STAG3: variants seen among roughly 807,000 people sequenced by gnomAD.
STAG3 encodes the protein cohesin subunit SA-3.
Under a neutral mutation model 160.7 loss-of-function variants are expected in STAG3, and 101 were observed. The observed-to-expected ratio is 0.63, with a 90% CI of 0.54 to 0.74. The LOEUF (loss-of-function observed/expected upper bound fraction) is 0.74, where lower values mean the gene tolerates loss of function less well. STAG3 is among the 30% of genes least tolerant of loss of function. STAG3 has a pLI of 0.00. For synonymous variants in STAG3, 519 were observed against 585.0 expected, an observed-to-expected ratio of 0.89 and a Z score of 1.63; for missense variants, 1,188 against 1,517.4, an observed-to-expected ratio of 0.78 and a Z score of 3.61.
Position 100,189,546 on chromosome 7 carries a change from G to A in STAG3, c.817G>A (p.Gly273Arg), listed in dbSNP as rs1800227076. The change falls in exon 8 of 34, where the codon GGG (glycine) becomes AGG (arginine). Residue 273 changes from glycine (G) to arginine (R), a missense_variant. Transcript: ENST00000615138. ...QYEAERNKGP[G>R]QRAPERLESL... ...TGAGGCTGAAAGAAACAAGGGGCCA[G>A]GGCAGAGGGCACCTGAGCGGCTGGA... The A allele has an allele frequency of 2.5e-6, 4 of 1,614,182 alleles. No homozygotes were observed. The highest frequency in any genetic ancestry group is 3.4e-6 in the Non-Finnish European group (4 of 1,180,018).
intron 4 of STAG3, among the ~76,000 whole-genome samples, chr7:100,185,319 G>C (rs1458579370): frequency 6.6e-6 from 1 of 152,128 alleles, no homozygotes. Flanking sequence ...ATTCTGGGCT[G>C]GGTGTGGTGG....
chr7:100,195,208 A>G (rs1800605092), intron 8 of STAG3, 101 bp from the exon 9 acceptor site: 1 of 1,006,174 alleles, frequency 9.9e-7, no homozygotes, highest in South Asian at 1.3e-5. Flanking sequence ...CTATCCTATA[A>G]TAAACAGGAA....
At chr7:100,215,987 G>A (rs1331211367), downstream of STAG3, among the ~76,000 whole-genome samples, 2 of 152,204 alleles carry the variant, frequency 1.3e-5, no homozygotes, top group Non-Finnish European at 2.9e-5. Flanking sequence ...AAGGCCACGT[G>A]TAGGTGTTCC....
At chr7:100,185,355 G>C (rs1425197792) in intron 4 of STAG3, among the ~76,000 whole-genome samples, 8 of 152,114 alleles carry the variant, frequency 5.3e-5, no homozygotes, top group African/African-American at 1.9e-4. Context: ...CCAGCACTTT[G>C]GGAGGCTAAG....
chr7:100,216,127 G>T (rs1286472382), downstream of STAG3, among the ~76,000 whole-genome samples: 1 of 152,172 alleles, frequency 6.6e-6, no homozygotes, highest in Non-Finnish European at 1.5e-5. Context: ...GGATCAGGGA[G>T]CAGAGACAGC....
downstream of STAG3, among the ~76,000 whole-genome samples, chr7:100,217,749 A>G (rs1222960425): frequency 2.0e-5 from 3 of 151,152 alleles, no homozygotes; most frequent in African/African-American, 7.4e-5. Context: ...CGAGGCGGAG[A>G]GAGAGAGGAC....
At position 100,199,564 on chromosome 7, in the gene STAG3, A is replaced by C. The variant is rs980933139; in HGVS notation, c.1597A>C (p.Thr533Pro). ...AGACCTGGGTGATGTGCAGGAGAGCACACTGATAGAAATCCTTGTGTCCAG... is the reference window on the plus strand; with the variant it reads ...AGACCTGGGTGATGTGCAGGAGAGCCCACTGATAGAAATCCTTGTGTCCAG... Reference protein sequence around the residue: ...DQNLGDVQESTLIEILVSSAR... With the variant: ...DQNLGDVQESPLIEILVSSAR... Residue 533 changes from threonine to proline, a missense_variant, in exon 16 of 34, where the codon ACA (threonine) becomes CCA (proline). This residue lies in a region of STAG3 where 240 missense variants were observed against 358.1 expected (regional missense o/e 0.67). Transcript: ENST00000615138. The C allele has an allele frequency of 1.2e-6, 2 of 1,604,862 alleles. No individual in the cohort carries two copies. The highest frequency in any genetic ancestry group is 2.7e-5 in the African/African-American group (2 of 74,820).
intron 26 of STAG3, 140 bp downstream of exon 26, chr7:100,204,262 A>G (rs1801424672): frequency 1.5e-6 from 1 of 662,642 alleles, no homozygotes; most frequent in Admixed American, 2.9e-5. Flanking sequence ...AGGTTCCTTC[A>G]TTCTTAGTAG....
At chr7:100,217,394 G>A (rs2117652842), downstream of STAG3, among the ~76,000 whole-genome samples, 1 of 152,362 alleles carries the variant, frequency 6.6e-6, no homozygotes, top group East Asian at 1.9e-4. Context: ...AGGCATGGAG[G>A]CCTTTGCCCA....
At chr7:100,208,281 TTAAC>T (rs763485853) in intron 29 of STAG3, among the ~76,000 whole-genome samples, 1 of 152,204 alleles carries the variant, frequency 6.6e-6, no homozygotes, top group Non-Finnish European at 1.5e-5. Context: ...CTTTAATTAA[TTAAC>T]TAATACATAG....
At chr7:100,188,323 CA>C in intron 5 of STAG3, 129 bp from the exon 6 acceptor site, 2 of 772,740 alleles carry the variant, frequency 2.6e-6, no homozygotes, top group South Asian at 1.4e-5. Flanking sequence ...GACTGTTGAC[CA>C]GGGGGTCTTC....
chr7:100,208,065 G>A (rs572428517), intron 29 of STAG3, among the ~76,000 whole-genome samples: 4 of 152,000 alleles, frequency 2.6e-5, no homozygotes, highest in African/African-American at 9.7e-5. Flanking sequence ...GCAGTGAGCC[G>A]AGATTGTTCC....
chr7:100,201,556 A>G lies in STAG3; in HGVS notation c.2220+205A>G, dbSNP rs1336950234. The stretch of plus-strand genomic sequence containing the variant: ...GTCTTCTTGGATTTCCTGGAAGCCA[A>G]GGATAATATTGAGGGATTCTAGAAG... On this transcript the variant is annotated intron_variant, in intron 21 of 33. Coordinates refer to ENST00000615138, the MANE Select transcript of STAG3 (RefSeq NM_001282717.2). 10 of 637,030 alleles carry G rather than the reference A, an allele frequency of 1.6e-5. No homozygotes were observed. The African/African-American group carries it at 1.7e-4, about 11-fold the overall frequency. 39.5% of individuals were successfully genotyped at this position (637,030 alleles called of 1,614,324 possible).
Position 100,198,965 on chromosome 7 carries a change from A to G in STAG3, c.1467+8A>G, listed in dbSNP as rs761151368. The G allele has an allele frequency of 1.2e-6, 2 of 1,609,714 alleles. No homozygotes were observed. The highest frequency in any genetic ancestry group is 1.1e-5 in the South Asian group (1 of 90,898). On this transcript the variant is annotated splice_region_variant and intron_variant, in intron 14 of 33. Transcript: ENST00000615138. ...TTCTTTGTGGAGAGCGAGGTGACAT[A>G]CACAGAGAGAAGTCTGGCTGTTGTG...
rs1005210624 is a variant in STAG3 at position 100,205,493 on chromosome 7, A to G, written c.3238+109A>G. On this transcript the variant is annotated intron_variant, in intron 29 of 33. Coordinates refer to ENST00000615138, the MANE Select transcript of STAG3 (RefSeq NM_001282717.2). ...AGCATCTACTGTCATTCAGGGTATT[A>G]ATTTCTTTCAAGGTTTATCTAGTCA... The G allele has an allele frequency of 4.3e-6, 5 of 1,172,288 alleles. No individual in the cohort carries two copies. In the African/African-American group the frequency reaches 7.8e-5, roughly 18 times the overall value. The allele number at this position is 1,172,288 out of a possible 1,614,324, so 72.6% of individuals were successfully genotyped here.
downstream of STAG3, chr7:100,215,072 CTT>C (rs978907282): frequency 6.6e-6 from 1 of 152,276 alleles, no homozygotes; most frequent in Non-Finnish European, 1.5e-5. Flanking sequence ...TCTGTTCTCT[CTT>C]GTCCCTCTGA....
chr7:100,189,613 G>C lies in STAG3; in HGVS notation c.867+17G>C, dbSNP rs778660038. The C allele has an allele frequency of 3.7e-6, 6 of 1,600,722 alleles. No homozygotes were observed. Among genetic ancestry groups the C allele is most frequent in the Non-Finnish European group, 5.1e-6 (6 of 1,175,112 alleles). On this transcript the variant is annotated intron_variant, in intron 8 of 33. Transcript: ENST00000615138. ...CGCAAAGAGGTGAGGAGTGTTCCCT[G>C]CTTCTTCCTTCCCTTTTTCCCAACT...
Position 100,195,339 on chromosome 7 carries a change from A to T in STAG3, c.898A>T (p.Met300Leu). 1 of 1,614,132 alleles carries T rather than the reference A, an allele frequency of 6.2e-7. No homozygotes were observed. The highest frequency in any genetic ancestry group is 8.5e-7 in the Non-Finnish European group (1 of 1,180,004). The change falls in exon 9 of 34, where the codon ATG becomes TTG. Residue 300 changes from methionine to leucine, a missense_variant. By Grantham distance (15) the Met-to-Leu change is conservative (BLOSUM62 2). Transcript: ENST00000615138. ...AGAGCATCAAGAGGAGATTGAGGGG[A>T]TGATGAATGCCCTCTTCAGGGGTGT... ...LQEHQEEIEGMMNALFRGVFV... is the reference protein window; with the variant it reads ...LQEHQEEIEGLMNALFRGVFV...
intron 8 of STAG3, among the ~76,000 whole-genome samples, chr7:100,189,823 T>A (rs189955327): frequency 6.6e-6 from 1 of 152,080 alleles, no homozygotes; most frequent in East Asian, 1.9e-4. Flanking sequence ...ATTCCACTTT[T>A]GCTCAGTTTT....
Sources: allele counts gnomAD v4.1 joint callset (sites outside exome capture counted in the v4.1 genomes callset), GRCh38; gene constraint gnomAD v4.1.1; regional missense constraint gnomAD v4.1.1; transcripts MANE v1.5; gene names NCBI Gene and HGNC (gene_info 2026-07-23, HGNC 2026-07-21).